Variants in SMC5 observed in about 807,000 individuals in gnomAD.
SMC5 encodes the protein structural maintenance of chromosomes protein 5.
A neutral mutation model predicts 148.3 loss-of-function variants in SMC5; 88 were observed. The ratio of observed to expected loss-of-function variants is 0.59; its 90% confidence interval spans 0.50 to 0.71. SMC5 has a LOEUF of 0.71. SMC5 is among the 30% of genes least tolerant of loss of function. The probability of loss-of-function intolerance (pLI) is 0.00; values close to 1 mark genes in which losing one functional copy is unlikely to be tolerated. For missense variants in SMC5, 1,142 were observed against 1,298.9 expected, an observed-to-expected ratio of 0.88 and a Z score of 1.86; for synonymous variants, 421 against 432.8, an observed-to-expected ratio of 0.97 and a Z score of 0.34.
intron 17 of SMC5, among the ~76,000 whole-genome samples, chr9:70,342,774 C>T (rs2036560876): frequency 6.6e-6 from 1 of 152,158 alleles, no homozygotes; most frequent in South Asian, 2.1e-4. Flanking sequence ...CAGTCTGGCC[C>T]TTGTCCATTT....
rs779094895 is a variant in SMC5, at chr9:70,350,303, T to G, written c.3069+10T>G. 3 of 1,612,324 alleles carry G rather than the reference T, an allele frequency of 1.9e-6. No homozygotes were observed. The highest frequency in any genetic ancestry group is 2.5e-6 in the Non-Finnish European group (3 of 1,179,310). ...TGATGAAATCAATCAGGTATGGTGATTGTTCTGTTACTTGGATCTTCTTAT... is the reference window on the plus strand; with the variant it reads ...TGATGAAATCAATCAGGTATGGTGAGTGTTCTGTTACTTGGATCTTCTTAT... On this transcript the variant is annotated intron_variant, in intron 23 of 24. Transcript: ENST00000361138.
chr9:70,350,593 G>A (rs1180510032), intron 24 of SMC5, 122 bp downstream of exon 24: 1 of 583,702 alleles, frequency 1.7e-6, no homozygotes. Flanking sequence ...AATTTAAAAG[G>A]TTAACAGTAA....
chr9:70,300,507 G>T (rs1241462981), intron 10 of SMC5, among the ~76,000 whole-genome samples: 5 of 151,970 alleles, frequency 3.3e-5, no homozygotes, highest in African/African-American at 1.2e-4. Flanking sequence ...ATTGTAGCAG[G>T]GATTAGATTA....
chr9:70,292,272 A>G (rs919701631), intron 8 of SMC5, among the ~76,000 whole-genome samples: 1 of 152,116 alleles, frequency 6.6e-6, no homozygotes, highest in Non-Finnish European at 1.5e-5. Flanking sequence ...AAGAATTGAA[A>G]TCTTTACTAT....
intron 17 of SMC5, among the ~76,000 whole-genome samples, chr9:70,342,560 T>C (rs2036557051): frequency 6.6e-6 from 1 of 152,176 alleles, no homozygotes; most frequent in Admixed American, 6.5e-5. Flanking sequence ...CAGACCTGTT[T>C]TATTTCTCAG....
At position 70,324,070 on chromosome 9, in the gene SMC5, C is replaced by T; in HGVS notation, c.2324C>T (p.Thr775Ile). 6.3e-7 allele frequency: 1 copy of T among 1,598,798 alleles called. No individual in the cohort carries two copies. Among genetic ancestry groups the T allele is most frequent in the Non-Finnish European group, 8.5e-7 (1 of 1,176,172 alleles). The change falls in exon 17 of 25, where the codon ACT becomes ATT. Residue 775 changes from threonine (T) to isoleucine (I), a missense_variant. Physicochemically the swap from Thr to Ile is moderately conservative, Grantham distance 89. This residue lies in a region of SMC5 where 743 missense variants were observed against 835.7 expected (regional missense o/e 0.89). Transcript: ENST00000361138. ...AAAGTAGATTTAATTCTCCAAAATACTACAGTGATCTCTGAGAAGAACAAA... is the reference window on the plus strand; with the variant it reads ...AAAGTAGATTTAATTCTCCAAAATATTACAGTGATCTCTGAGAAGAACAAA... Reference protein sequence around the residue: ...IQKVDLILQNTTVISEKNKLE... With the variant: ...IQKVDLILQNITVISEKNKLE...
chr9:70,322,122 G>A (rs952490573), intron 15 of SMC5, among the ~76,000 whole-genome samples: 3 of 152,032 alleles, frequency 2.0e-5, no homozygotes, highest in Non-Finnish European at 4.4e-5. Context: ...GCAAACAATT[G>A]CCCATTAACT....
At chr9:70,283,274 G>T (rs1024695557) in intron 7 of SMC5, among the ~76,000 whole-genome samples, 5 of 152,054 alleles carry the variant, frequency 3.3e-5, no homozygotes, top group Non-Finnish European at 7.4e-5. Flanking sequence ...GACCAGCTTG[G>T]CCAACATGGT....
chr9:70,329,113 C>G (rs1412355285), intron 17 of SMC5, among the ~76,000 whole-genome samples: 2 of 152,206 alleles, frequency 1.3e-5, no homozygotes, highest in South Asian at 4.1e-4. Context: ...GATCGCCAGG[C>G]CTGTGATGGG....
chr9:70,352,504 G>A lies in SMC5; in HGVS notation c.*173G>A. 1 of 589,972 alleles carries A rather than the reference G, an allele frequency of 1.7e-6. No homozygotes were observed. The highest frequency in any genetic ancestry group is 2.8e-6 in the Non-Finnish European group (1 of 361,562). 36.5% of individuals were successfully genotyped at this position (589,972 alleles called of 1,614,324 possible). A position where few individuals can be genotyped will look rare whatever the true frequency, so the allele number is the denominator to read the frequency against. On this transcript the variant is annotated 3_prime_UTR_variant, in exon 25 of 25. Coordinates refer to ENST00000361138, the MANE Select transcript of SMC5 (RefSeq NM_015110.4). ...CTATAATGACCTTTCCAAAATAGCA[G>A]CTGGTAGTAAAAGTTAAGTCTTCTT...
chr9:70,261,220 A>G (rs1417300457), intron 1 of SMC5, among the ~76,000 whole-genome samples: 1 of 152,248 alleles, frequency 6.6e-6, no homozygotes, highest in Non-Finnish European at 1.5e-5. Context: ...CTATGCTAAG[A>G]AGTTCCGACA....
chr9:70,296,929 A>G (rs779168787), intron 8 of SMC5, among the ~76,000 whole-genome samples: 1 of 152,232 alleles, frequency 6.6e-6, no homozygotes, highest in Non-Finnish European at 1.5e-5. Context: ...AAGTGAAGGA[A>G]TCTAAGCATA....
At chr9:70,346,796 C>G in intron 19 of SMC5, 147 bp downstream of exon 19, 1 of 844,780 alleles carries the variant, frequency 1.2e-6, no homozygotes, top group Non-Finnish European at 1.9e-6. Context: ...CTTCTTTTCT[C>G]TAAATTCCTA....
intron 17 of SMC5, among the ~76,000 whole-genome samples, chr9:70,337,850 A>AT (rs1477518747): frequency 4.2e-5 from 3 of 70,940 alleles, no homozygotes; most frequent in African/African-American, 7.7e-5. Context: ...GTGAATTACT[A>AT]ATTTTTTTTT....
At chr9:70,315,111 T>C (rs932560881) in intron 12 of SMC5, among the ~76,000 whole-genome samples, 3 of 152,040 alleles carry the variant, frequency 2.0e-5, no homozygotes, top group African/African-American at 7.2e-5. Flanking sequence ...AATTATCCCT[T>C]CATAATGCAG....
chr9:70,318,317 G>A (rs1474097023), intron 13 of SMC5, among the ~76,000 whole-genome samples, 197 bp from the exon 14 acceptor site: 1 of 152,010 alleles, frequency 6.6e-6, no homozygotes, highest in South Asian at 2.1e-4. Context: ...GAGCCTGGGG[G>A]GTTGAGGCTG....
At chr9:70,335,020 A>G (rs2036322540) in intron 17 of SMC5, among the ~76,000 whole-genome samples, 2 of 152,232 alleles carry the variant, frequency 1.3e-5, no homozygotes, top group Non-Finnish European at 2.9e-5. Context: ...ATTGCTGAGA[A>G]TTTGGAGCAA....
At chr9:70,266,637 G>C (rs2034298931) in intron 2 of SMC5, among the ~76,000 whole-genome samples, 1 of 152,148 alleles carries the variant, frequency 6.6e-6, no homozygotes, top group South Asian at 2.1e-4. Context: ...GTGTTTCCTA[G>C]ATGACAGATT....
At chr9:70,265,161 C>T (rs2034256249) in intron 2 of SMC5, among the ~76,000 whole-genome samples, 1 of 151,976 alleles carries the variant, frequency 6.6e-6, no homozygotes, top group African/African-American at 2.4e-5. Flanking sequence ...GAAACAGATA[C>T]AAAAAATGAG....
Sources: gnomAD v4.1 joint callset for allele counts (sites outside exome capture counted in the v4.1 genomes callset) on GRCh38, gnomAD v4.1.1 for gene constraint, gnomAD v4.1.1 regional missense constraint, MANE v1.5 for transcripts, NCBI Gene and HGNC (gene_info 2026-07-23, HGNC 2026-07-21) for gene names.